CLDN14: variants seen among roughly 807,000 people sequenced by gnomAD.
CLDN14 encodes the protein claudin-14.
CLDN14 carries 2 observed loss-of-function variants against 2.1 expected under a neutral mutation model. The ratio of observed to expected loss-of-function variants is 0.96; its 90% confidence interval spans 0.39 to 3.01. CLDN14 has a LOEUF of 3.01. Ranked by LOEUF, CLDN14 falls within the 30% of genes most tolerant of loss-of-function variation. CLDN14 has a pLI of 0.09. For missense variants in CLDN14, 298 were observed against 328.0 expected (o/e 0.91, Z 0.71); for synonymous variants, 136 against 154.4 (o/e 0.88, Z 0.88).
chr21:36,555,510 A>G (rs1320937831), intron 1 of CLDN14, among the ~76,000 whole-genome samples: 3 of 152,208 alleles, frequency 2.0e-5, no homozygotes, highest in Non-Finnish European at 2.9e-5. Context: ...AAATGTTTCC[A>G]ATGTTTTGTA....
intron 2 of CLDN14, chr21:36,486,079 A>T: frequency 7.2e-7 from 1 of 1,384,810 alleles, no homozygotes. Flanking sequence ...CATTGTTGGG[A>T]TCCACACCTG....
chr21:36,478,540 G>A (rs371326236), intron 1 of CLDN14, among the ~76,000 whole-genome samples: 13 of 152,318 alleles, frequency 8.5e-5, no homozygotes, highest in South Asian at 2.1e-4. Context: ...AGATAAGCCC[G>A]TCCCCAACTC....
intron 1 of CLDN14, among the ~76,000 whole-genome samples, chr21:36,514,902 G>A (rs1261725661): frequency 3.3e-5 from 5 of 152,038 alleles, no homozygotes; most frequent in Non-Finnish European, 5.9e-5. Flanking sequence ...ACCCAGCCCC[G>A]GGTCTTCCCA....
rs1021806287 is a variant in CLDN14, at chr21:36,574,873, T to C, written c.-220+1538A>G. ...TTACATTTCTCTAGGATCCAGGCCATGAAAGTCCTTAAAGCTATCAAACCA... is the reference window on the plus strand; with the variant it reads ...TTACATTTCTCTAGGATCCAGGCCACGAAAGTCCTTAAAGCTATCAAACCA... On this transcript the variant is annotated intron_variant, in intron 1 of 2. Coordinates refer to the CLDN14 transcript ENST00000342108. Among the ~76,000 whole-genome samples, 3 of 152,146 alleles carry C rather than the reference T, an allele frequency of 2.0e-5. No individual in the cohort carries two copies. The East Asian group carries it at 5.8e-4, about 29-fold the overall frequency.
chr21:36,539,010 G>A lies in CLDN14; in HGVS notation c.-219-28510C>T, dbSNP rs146151592. On this transcript the variant is annotated intron_variant, in intron 1 of 2. Coordinates refer to the CLDN14 transcript ENST00000342108. The stretch of plus-strand genomic sequence containing the variant: ...GCCCGGCCAGCGCAGCTTCCTCTGG[G>A]CAGGGCCCTAAATGTGGATTCAGAG... Among the ~76,000 whole-genome samples, 158 of 152,326 alleles carry A rather than the reference G, an allele frequency of 1.0e-3. 1 individual carries two copies. Among genetic ancestry groups the A allele is most frequent in the African/African-American group, 3.5e-3 (145 of 41,572 alleles).
At chr21:36,509,244 G>A (rs1215853416) in intron 2 of CLDN14, among the ~76,000 whole-genome samples, 4 of 152,164 alleles carry the variant, frequency 2.6e-5, no homozygotes, top group African/African-American at 9.7e-5. Flanking sequence ...AGGCACTTCC[G>A]GTGTCCGCCA....
chr21:36,567,153 G>A (rs907324235), intron 1 of CLDN14, among the ~76,000 whole-genome samples: 10 of 152,208 alleles, frequency 6.6e-5, no homozygotes, highest in Non-Finnish European at 1.3e-4. Context: ...ACTATTAGGC[G>A]GCTTGGAGGC....
At chr21:36,516,026 G>C (rs943597120) in intron 1 of CLDN14, among the ~76,000 whole-genome samples, 2 of 151,948 alleles carry the variant, frequency 1.3e-5, no homozygotes, top group East Asian at 3.9e-4. Context: ...GACCTCAGGT[G>C]ATCCCCCTGC....
At chr21:36,570,619 AT>A (rs2087702759) in intron 1 of CLDN14, among the ~76,000 whole-genome samples, 1 of 37,306 alleles carries the variant, frequency 2.7e-5, no homozygotes. Flanking sequence ...TTATGGACAT[AT>A]ATATATTATG....
intron 2 of CLDN14, chr21:36,487,329 G>A: frequency 8.5e-6 from 2 of 236,254 alleles, no homozygotes; most frequent in Non-Finnish European, 8.6e-6. Flanking sequence ...GTCTTGCTGG[G>A]CCTGCAGCTG....
At chr21:36,472,205 A>G (rs555183099) in intron 1 of CLDN14, among the ~76,000 whole-genome samples, 6 of 152,336 alleles carry the variant, frequency 3.9e-5, no homozygotes, top group Non-Finnish European at 7.3e-5. Context: ...GTGATCTTTC[A>G]GGTAAGAGAT....
intron 2 of CLDN14, among the ~76,000 whole-genome samples, chr21:36,488,220 C>CCCGTCCTT (rs2086917692): frequency 1.0e-5 from 1 of 97,238 alleles, no homozygotes. Flanking sequence ...ACTGTGATTC[C>CCCGTCCTT]CCTTCCTTCC....
intron 2 of CLDN14, among the ~76,000 whole-genome samples, chr21:36,488,968 GGT>G (rs1388092030): frequency 1.3e-5 from 2 of 151,264 alleles, no homozygotes; most frequent in Non-Finnish European, 2.9e-5. Flanking sequence ...AAATTAGCTG[GGT>G]GTGGTGGCAT....
In CLDN14 at chr21:36,461,567, G is replaced by A. The variant is rs150731625; in HGVS notation, c.129C>T (p.Ala43=). Residue 43 remains alanine (A), a synonymous_variant, in exon 2 of 2, where the codon GCC becomes GCT. Coordinates refer to ENST00000399135, the MANE Select transcript of CLDN14 (RefSeq NM_001146079.2). ...TAHVGTNILT[A]VSYLKGLWME... is the part of the protein sequence containing the mutation. The stretch of plus-strand genomic sequence containing the variant: ...TCCAGAGCCCTTTCAGGTAGGACAC[G>A]GCCGTGAGGATGTTGGTGCCCACGT... The A allele has an allele frequency of 2.4e-4, 391 of 1,612,904 alleles. 2 individuals carry two copies. Among genetic ancestry groups the A allele is most frequent in the South Asian group, 7.4e-4 (67 of 90,990 alleles).
intron 2 of CLDN14, among the ~76,000 whole-genome samples, chr21:36,507,949 A>G (rs2087148421): frequency 6.6e-6 from 1 of 152,204 alleles, no homozygotes; most frequent in African/African-American, 2.4e-5. Context: ...AAAGTTGTAT[A>G]TAATTACCAC....
At chr21:36,575,342 C>A (rs1252134018) in intron 1 of CLDN14, among the ~76,000 whole-genome samples, 5 of 152,184 alleles carry the variant, frequency 3.3e-5, no homozygotes, top group African/African-American at 1.2e-4. Flanking sequence ...TATCCTATAT[C>A]ATTTACTTAT....
chr21:36,490,263 G>A (rs927405213), intron 2 of CLDN14, among the ~76,000 whole-genome samples: 2 of 152,158 alleles, frequency 1.3e-5, no homozygotes, highest in African/African-American at 4.8e-5. Flanking sequence ...GAGTGCAATG[G>A]CTCGACCGTG....
intron 1 of CLDN14, among the ~76,000 whole-genome samples, chr21:36,515,372 C>T (rs1212896567): frequency 6.6e-6 from 1 of 152,056 alleles, no homozygotes; most frequent in Non-Finnish European, 1.5e-5. Context: ...ATGATTCAGC[C>T]TTAAAAAAGT....
chr21:36,504,032 A>G (rs2087110835), intron 2 of CLDN14, among the ~76,000 whole-genome samples: 1 of 148,134 alleles, frequency 6.8e-6, no homozygotes, highest in Non-Finnish European at 1.5e-5. Context: ...AGTATGTCAC[A>G]CCCTAACTTC....
Sources: gnomAD v4.1 joint callset for allele counts (sites outside exome capture counted in the v4.1 genomes callset) on GRCh38, gnomAD v4.1.1 for gene constraint, MANE v1.5 for transcripts, NCBI Gene and HGNC (gene_info 2026-07-23, HGNC 2026-07-21) for gene names.